Variants in NR2C2 observed in about 807,000 individuals in gnomAD.
NR2C2 encodes Nuclear hormone receptor TR4.
In NR2C2, 6 loss-of-function variants were observed where a neutral mutation model predicts 62.9. The observed-to-expected ratio is 0.10, with a 90% confidence interval of 0.05 to 0.19. The LOEUF is 0.19. Among genes scored for constraint, NR2C2 ranks in the 10% least tolerant of loss-of-function variants. The pLI, the probability that NR2C2 is intolerant of heterozygous loss-of-function variation, is 1.00. For missense variants in NR2C2, 479 were observed against 762.7 expected (o/e 0.63, Z 4.38); for synonymous variants, 272 against 273.8 (o/e 0.99, Z 0.07).
intron 1 of NR2C2, among the ~76,000 whole-genome samples, chr3:14,984,450 G>T (rs1164965345): frequency 6.6e-6 from 1 of 152,046 alleles, no homozygotes; most frequent in Non-Finnish European, 1.5e-5. Context: ...GCTGTATATT[G>T]TCTTCTGAGT....
At chr3:14,986,691 G>C (rs1419912626) in intron 1 of NR2C2, among the ~76,000 whole-genome samples, 1 of 152,072 alleles carries the variant, frequency 6.6e-6, no homozygotes, top group Non-Finnish European at 1.5e-5. Context: ...CCTTTTATTG[G>C]TCACAGAAAA....
intron 1 of NR2C2, among the ~76,000 whole-genome samples, chr3:15,001,318 G>GT (rs61017075): frequency 0.17 from 16,557 of 97,546 alleles, 962 homozygotes; most frequent in African/African-American, 0.26. Flanking sequence ...TTTGTTTTGG[G>GT]TTTTTTTTTT....
rs537783059 is a variant in NR2C2 at position 14,954,855 on chromosome 3, G to A, written c.-40+6949G>A. 2.0e-5 allele frequency among the ~76,000 whole-genome samples: 3 copies of A among 152,104 alleles called. No homozygotes were observed. In the South Asian group the frequency reaches 6.2e-4, roughly 32 times the overall value. ...GTGCCTTTTTTTGTTTTTTGAGATGGAGTCTCCCTCTGCCGCCCAGGCCGG... is the reference window on the plus strand; with the variant it reads ...GTGCCTTTTTTTGTTTTTTGAGATGAAGTCTCCCTCTGCCGCCCAGGCCGG... On this transcript the variant is annotated intron_variant, in intron 1 of 13. Transcript: ENST00000425241.
intron 8 of NR2C2, among the ~76,000 whole-genome samples, chr3:15,029,826 TAGA>T (rs2041925050): frequency 1.6e-5 from 2 of 125,108 alleles, no homozygotes; most frequent in South Asian, 4.6e-4. Context: ...GATAGATAGA[TAGA>T]TAGATAGATA....
At chr3:15,030,670 A>C (rs747784749) in intron 9 of NR2C2, among the ~76,000 whole-genome samples, 1 of 152,110 alleles carries the variant, frequency 6.6e-6, no homozygotes, top group Non-Finnish European at 1.5e-5. Flanking sequence ...TCTCCTAAAA[A>C]TACAAAAATT....
At chr3:15,003,407 G>A (rs1356705377) in intron 1 of NR2C2, among the ~76,000 whole-genome samples, 4 of 152,164 alleles carry the variant, frequency 2.6e-5, no homozygotes, top group Admixed American at 2.0e-4. Context: ...TTGGGGCTGA[G>A]AAATTACCAG....
chr3:15,041,450 T>C (rs1190303628), intron 13 of NR2C2, among the ~76,000 whole-genome samples: 4 of 152,200 alleles, frequency 2.6e-5, no homozygotes, highest in Non-Finnish European at 5.9e-5. Context: ...GCTGGAATGC[T>C]ACCTGCATAG....
chr3:14,960,758 C>T (rs770048130), intron 1 of NR2C2, among the ~76,000 whole-genome samples: 73 of 152,082 alleles, frequency 4.8e-4, no homozygotes, highest in Non-Finnish European at 8.2e-4. Context: ...ATGTACAGTA[C>T]CTATTGGCTA....
chr3:15,019,542 G>C (rs1303924887), intron 4 of NR2C2, among the ~76,000 whole-genome samples: 1 of 152,176 alleles, frequency 6.6e-6, no homozygotes, highest in Non-Finnish European at 1.5e-5. Context: ...CGGATGAATG[G>C]ATAAAGAAAA....
intron 7 of NR2C2, chr3:15,026,604 T>C (rs1015462207): frequency 6.6e-6 from 1 of 152,258 alleles, no homozygotes; most frequent in South Asian, 2.1e-4. Context: ...TATGGTCTTT[T>C]GTGGCTGGCT....
intron 2 of NR2C2, among the ~76,000 whole-genome samples, chr3:15,011,214 C>T (rs1344471364): frequency 6.6e-6 from 1 of 152,158 alleles, no homozygotes; most frequent in Non-Finnish European, 1.5e-5. Flanking sequence ...TGGCACGCGC[C>T]TGTGGTCTCA....
In NR2C2 at chr3:15,038,335, C is replaced by T. The variant is rs370048719; in HGVS notation, c.1510+198C>T. 1.8e-4 allele frequency: 89 copies of T among 481,896 alleles called. 1 individual carries two copies. The East Asian group carries it at 3.0e-3, about 16-fold the overall frequency. The allele number at this position is 481,896 out of a possible 1,614,324, so 29.9% of individuals were successfully genotyped here. On this transcript the variant is annotated intron_variant, in intron 12 of 13. Transcript: ENST00000425241. ...GCCTTTACAGCCCCAAAGAAATATG[C>T]TGCAGTGCCTGATGATGTCACGCAC...
rs1164509173 is a variant in NR2C2, at chr3:15,047,973, C to T, written c.*4965C>T. ...TTTTCCCCCTTAATCTGGCCTTAAA[C>T]TGAGACTCGGCCCTTGAGAGCCAGG... On this transcript the variant is annotated 3_prime_UTR_variant, in exon 14 of 14. Coordinates refer to ENST00000425241, the MANE Select transcript of NR2C2 (RefSeq NM_001291694.2). 6.6e-6 allele frequency: 1 copy of T among 152,426 alleles called. No homozygotes were observed. Among genetic ancestry groups the T allele is most frequent in the Admixed American group, 6.5e-5 (1 of 15,288 alleles). The allele number at this position is 152,426 out of a possible 1,614,324, so 9.4% of individuals were successfully genotyped here.
intron 2 of NR2C2, among the ~76,000 whole-genome samples, chr3:15,005,661 G>T (rs1283051622): frequency 6.6e-6 from 1 of 151,580 alleles, no homozygotes; most frequent in Non-Finnish European, 1.5e-5. Context: ...CTCCCAAGTA[G>T]TTGGGACTAC....
chr3:14,956,838 CTGTG>C (rs770895107), intron 1 of NR2C2, among the ~76,000 whole-genome samples: 2 of 152,212 alleles, frequency 1.3e-5, no homozygotes, highest in Non-Finnish European at 2.9e-5. Context: ...ACCGCCCCGG[CTGTG>C]TGTGTGTTTA....
chr3:14,950,486 C>T (rs181161030), intron 1 of NR2C2, among the ~76,000 whole-genome samples: 285 of 150,882 alleles, frequency 1.9e-3, no homozygotes, highest in African/African-American at 6.5e-3. Flanking sequence ...ACACACTGGC[C>T]TACCTTCAAC....
At chr3:14,981,061 T>A (rs530955526) in intron 1 of NR2C2, among the ~76,000 whole-genome samples, 1 of 152,358 alleles carries the variant, frequency 6.6e-6, no homozygotes, top group South Asian at 2.1e-4. Context: ...TAGAATCAAA[T>A]TCACGTTGCA....
Position 14,954,544 on chromosome 3 carries a change from G to A in NR2C2, c.-40+6638G>A, listed in dbSNP as rs1411012947. ...ATAGTCGTACATTAGAATACTGTAC[G>A]ACAGTGAAAATGGATTCACTTCTCA... On this transcript the variant is annotated intron_variant, in intron 1 of 13. Transcript: ENST00000425241. Among the ~76,000 whole-genome samples the A allele has an allele frequency of 2.4e-4, 37 of 152,098 alleles. 1 individual carries two copies. The highest frequency in any genetic ancestry group is 2.4e-3 in the Admixed American group (37 of 15,270).
intron 1 of NR2C2, among the ~76,000 whole-genome samples, chr3:15,001,978 G>GT (rs1559556506): frequency 6.6e-6 from 1 of 152,064 alleles, no homozygotes. Context: ...GCTCTGATGG[G>GT]TTTTTTGTGG....
Sources: allele counts gnomAD v4.1 joint callset (sites outside exome capture counted in the v4.1 genomes callset), GRCh38; gene constraint gnomAD v4.1.1; transcripts MANE v1.5; gene names NCBI Gene and HGNC (gene_info 2026-07-23, HGNC 2026-07-21).